The following KAZN variants were observed in gnomAD, a reference collection of about 807,000 sequenced individuals.
The protein encoded by KAZN is kazrin.
In KAZN, 40 loss-of-function variants were observed where a neutral mutation model predicts 87.4. That is an observed-to-expected ratio of 0.46 (90% CI 0.36 to 0.60). The LOEUF (loss-of-function observed/expected upper bound fraction) is 0.60. Ranked by LOEUF, KAZN falls within the 20% of genes least tolerant of loss-of-function variation. The probability of loss-of-function intolerance (pLI) is 0.00; values close to 1 mark genes in which losing one functional copy is unlikely to be tolerated. For synonymous variants in KAZN, 466 were observed against 458.3 expected (o/e 1.02, Z -0.22); for missense variants, 898 against 1,073.9 (o/e 0.84, Z 2.29).
rs189107458 is a variant in KAZN at position 14,413,365 on chromosome 1, C to T, written c.250-185618C>T. 8.2e-3 allele frequency among the ~76,000 whole-genome samples: 1,251 copies of T among 151,680 alleles called. 42 individuals carry two copies. The highest frequency in any genetic ancestry group is 0.05 in the Admixed American group (756 of 15,232). ...CAGCACTTTGAGAGGCTGAGGCGGG[C>T]GGATCACGAGGTCAGGAGATCGAGA... On this transcript the variant is annotated intron_variant, in intron 2 of 16. Coordinates refer to the KAZN transcript ENST00000636203.
chr1:15,104,440 C>A (rs1329324473), intron 13 of KAZN, among the ~76,000 whole-genome samples: 3 of 152,094 alleles, frequency 2.0e-5, no homozygotes, highest in Non-Finnish European at 4.4e-5. Flanking sequence ...TATATTAGAT[C>A]AAAAAACACC....
At chr1:14,506,914 G>T (rs990694331) in intron 2 of KAZN, among the ~76,000 whole-genome samples, 3 of 152,136 alleles carry the variant, frequency 2.0e-5, no homozygotes, top group Non-Finnish European at 4.4e-5. Flanking sequence ...GTCTGTATTG[G>T]TTCCAAATGC....
chr1:14,459,846 A>T (rs1667767650), intron 2 of KAZN, among the ~76,000 whole-genome samples: 1 of 152,220 alleles, frequency 6.6e-6, no homozygotes, highest in Non-Finnish European at 1.5e-5. Context: ...AAGAAAGGCA[A>T]GATTTTGGCT....
intron 1 of KAZN, among the ~76,000 whole-genome samples, chr1:14,673,471 G>A (rs1263246866): frequency 6.6e-6 from 1 of 152,172 alleles, no homozygotes; most frequent in Non-Finnish European, 1.5e-5. Flanking sequence ...CCTGAAGAAG[G>A]GCATGCATGA....
chr1:14,260,454 C>T (rs569924980), intron 2 of KAZN, among the ~76,000 whole-genome samples: 10 of 152,224 alleles, frequency 6.6e-5, no homozygotes, highest in African/African-American at 2.2e-4. Context: ...TGGGACAGAG[C>T]ATTTCGATGA....
rs113910933 is a variant in KAZN at position 14,784,481 on chromosome 1, G to A, written c.227-176203G>A. ...CAGCACCCAAAGTCACTCAAGGGCC[G>A]GGCATGGCAGCTCACACCTGTAATC... is the stretch of plus-strand genomic sequence containing the variant. On this transcript the variant is annotated intron_variant, in intron 1 of 14. Coordinates refer to ENST00000376030, the MANE Select transcript of KAZN (RefSeq NM_201628.3). 9.4e-3 allele frequency among the ~76,000 whole-genome samples: 1,428 copies of A among 152,198 alleles called. 24 individuals are homozygous for A. The highest frequency in any genetic ancestry group is 0.032 in the African/African-American group (1,342 of 41,506).
At chr1:14,188,148 A>G (rs1387068260) in intron 2 of KAZN, among the ~76,000 whole-genome samples, 2 of 151,386 alleles carry the variant, frequency 1.3e-5, no homozygotes, top group Non-Finnish European at 2.9e-5. Flanking sequence ...CTCTTTGAAC[A>G]TGACATTTAA....
At chr1:14,688,771 G>A (rs1001452881) in intron 1 of KAZN, among the ~76,000 whole-genome samples, 6 of 152,190 alleles carry the variant, frequency 3.9e-5, no homozygotes, top group African/African-American at 9.6e-5. Flanking sequence ...TTTAATTCAC[G>A]GATGTATTGT....
At chr1:14,466,773 C>G (rs977464598) in intron 2 of KAZN, among the ~76,000 whole-genome samples, 5 of 151,928 alleles carry the variant, frequency 3.3e-5, no homozygotes, top group Non-Finnish European at 7.4e-5. Context: ...TGGAGACCAT[C>G]CTGGCTAACA....
chr1:15,091,894 C>T (rs1640547768), intron 8 of KAZN, among the ~76,000 whole-genome samples: 1 of 152,110 alleles, frequency 6.6e-6, no homozygotes, highest in Admixed American at 6.5e-5. Context: ...TTCTCCCCAG[C>T]ACAGAAAGGC....
chr1:14,461,880 G>A (rs561665083), intron 2 of KAZN, among the ~76,000 whole-genome samples: 27 of 151,836 alleles, frequency 1.8e-4, no homozygotes, highest in Non-Finnish European at 3.1e-4. Context: ...TGACACTGAG[G>A]CCATCAGCCT....
intron 2 of KAZN, among the ~76,000 whole-genome samples, chr1:15,009,283 C>T (rs1669344404): frequency 6.6e-6 from 1 of 152,212 alleles, no homozygotes; most frequent in Non-Finnish European, 1.5e-5. Context: ...GCAGCAGTCA[C>T]ATTCCCCTCC....
intron 2 of KAZN, among the ~76,000 whole-genome samples, chr1:14,345,497 TATA>T (rs1658042137): frequency 2.6e-5 from 4 of 152,164 alleles, no homozygotes; most frequent in Non-Finnish European, 5.9e-5. Flanking sequence ...ATGATAAAAA[TATA>T]ATCGTATCAA....
chr1:14,003,232 G>C (rs537331186), intron 1 of KAZN, among the ~76,000 whole-genome samples: 4 of 151,238 alleles, frequency 2.6e-5, no homozygotes, highest in Non-Finnish European at 5.9e-5. Flanking sequence ...AGGGAACTTA[G>C]AGGGTGGGTC....
intron 1 of KAZN, among the ~76,000 whole-genome samples, chr1:14,023,854 T>C (rs1190862486): frequency 6.6e-6 from 1 of 152,156 alleles, no homozygotes; most frequent in East Asian, 1.9e-4. Flanking sequence ...GATTTTCTTC[T>C]GAAGAACTCT....
At chr1:14,325,903 G>A (rs971510463) in intron 2 of KAZN, among the ~76,000 whole-genome samples, 3 of 152,010 alleles carry the variant, frequency 2.0e-5, no homozygotes, top group African/African-American at 7.2e-5. Context: ...ATCCTTTGCC[G>A]ATTTCTCCGA....
At chr1:14,246,834 TC>T (rs1194025343) in intron 2 of KAZN, among the ~76,000 whole-genome samples, 5 of 152,208 alleles carry the variant, frequency 3.3e-5, no homozygotes, top group African/African-American at 1.2e-4. Context: ...TGTGTGAGCT[TC>T]CTTCAGATGG....
At chr1:14,387,877 G>A (rs530505190) in intron 2 of KAZN, among the ~76,000 whole-genome samples, 18 of 152,312 alleles carry the variant, frequency 1.2e-4, no homozygotes, top group African/African-American at 4.3e-4. Flanking sequence ...GTTTACCTAA[G>A]CAAGCCTGGG....
At chr1:15,067,509 C>G in intron 8 of KAZN, 8 of 985,452 alleles carry the variant, frequency 8.1e-6, no homozygotes, top group Non-Finnish European at 8.4e-6. Context: ...TGCTTCTGCT[C>G]GTCCTTAACA....
Sources: gnomAD v4.1 joint callset for allele counts (sites outside exome capture counted in the v4.1 genomes callset) on GRCh38, gnomAD v4.1.1 for gene constraint, MANE v1.5 for transcripts, NCBI Gene and HGNC (gene_info 2026-07-23, HGNC 2026-07-21) for gene names.